DNAH8: variants seen among roughly 807,000 people sequenced by gnomAD.
The protein encoded by DNAH8 is dynein axonemal heavy chain 8.
DNAH8 carries 382 observed loss-of-function variants against 562.1 expected under a neutral mutation model. The observed-to-expected ratio is 0.68, with a 90% CI of 0.63 to 0.74. The LOEUF is 0.74. DNAH8 is among the 30% of genes least tolerant of loss of function. DNAH8 has a pLI of 0.00. For missense variants in DNAH8, 5,203 were observed against 5,620.4 expected (o/e 0.93, Z 2.37); for synonymous variants, 1,881 against 1,919.4 (o/e 0.98, Z 0.52).
intron 63 of DNAH8, among the ~76,000 whole-genome samples, chr6:38,907,180 ATGTT>A (rs1278618435): frequency 6.6e-6 from 1 of 152,226 alleles, no homozygotes. Context: ...GGAGTCATCG[ATGTT>A]CCAGGAACAT....
chr6:38,815,686 T>G lies in DNAH8; in HGVS notation c.3523+29T>G, dbSNP rs548212946. 6 of 1,570,422 alleles carry G rather than the reference T, an allele frequency of 3.8e-6. No homozygotes were observed. In the East Asian group the frequency reaches 9.3e-5, roughly 24 times the overall value. On this transcript the variant is annotated intron_variant, in intron 26 of 92. Coordinates refer to ENST00000327475, the MANE Select transcript of DNAH8 (RefSeq NM_001206927.2). ...AGAATGTAAAATTAGTCAATGATCT[T>G]ACTGATCCTTTTTGGATTTGATAGC...
intron 10 of DNAH8, among the ~76,000 whole-genome samples, chr6:38,759,787 C>T (rs1015383305): frequency 1.3e-5 from 2 of 152,126 alleles, no homozygotes; most frequent in Admixed American, 6.6e-5. Flanking sequence ...CCTGTTAGGT[C>T]AGTTTAACCA....
At chr6:38,836,069 G>A (rs1774257861) in intron 32 of DNAH8, among the ~76,000 whole-genome samples, 1 of 152,064 alleles carries the variant, frequency 6.6e-6, no homozygotes, top group Non-Finnish European at 1.5e-5. Context: ...CCTGAAACCT[G>A]GTTTGAGGGA....
At chr6:39,010,817 ACACGTATGTATGTATGTATGTATGTATG>A (rs1173324756) in intron 89 of DNAH8, among the ~76,000 whole-genome samples, 5 of 128,930 alleles carry the variant, frequency 3.9e-5, no homozygotes, top group African/African-American at 1.4e-4. Context: ...ACACACACAC[ACACGTATGTATGTATGTATGTATGTATG>A]TATGTATGTA....
At chr6:39,013,524 G>C (rs1052596845) in intron 91 of DNAH8, among the ~76,000 whole-genome samples, 2 of 152,130 alleles carry the variant, frequency 1.3e-5, no homozygotes, top group Admixed American at 6.5e-5. Flanking sequence ...TCAAAGTCAG[G>C]ATAATGACTG....
chr6:38,938,351 C>G (rs932164114), intron 78 of DNAH8, 125 bp downstream of exon 78: 1 of 1,126,484 alleles, frequency 8.9e-7, no homozygotes, highest in East Asian at 2.4e-5. Context: ...AAATGCCCAT[C>G]AACAGTAGAG....
rs747518898 is a variant in DNAH8, at chr6:38,723,391, A to G, written c.445A>G (p.Lys149Glu). 3.7e-6 allele frequency: 6 copies of G among 1,612,366 alleles called. No homozygotes were observed. The highest frequency in any genetic ancestry group is 2.7e-5 in the African/African-American group (2 of 74,934). Residue 149 changes from lysine to glutamate, a missense_variant, in exon 3 of 93, where the codon AAA becomes GAA. Physicochemically the swap from Lys to Glu is moderately conservative, Grantham distance 56. Transcript: ENST00000327475. ...AAGACTGAAAATTGACCCTTCATAC[A>G]AATATATATTTGAAATTCTAGCAGA... Reference protein sequence around the residue: ...SRRLKIDPSYKYIFEILAENL... With the variant: ...SRRLKIDPSYEYIFEILAENL...
intron 87 of DNAH8, among the ~76,000 whole-genome samples, chr6:38,984,940 C>A (rs758134656): frequency 1.6e-4 from 24 of 152,214 alleles, no homozygotes; most frequent in Non-Finnish European, 3.1e-4. Flanking sequence ...CCTCCTCCAT[C>A]TTCCGCATTC....
At chr6:38,800,285 C>T (rs1770671553) in intron 21 of DNAH8, among the ~76,000 whole-genome samples, 1 of 152,024 alleles carries the variant, frequency 6.6e-6, no homozygotes, top group Admixed American at 6.5e-5. Flanking sequence ...TTACTGGCTC[C>T]CAACTCCATG....
At chr6:38,888,432 A>G (rs1779109938) in intron 57 of DNAH8, among the ~76,000 whole-genome samples, 2 of 151,722 alleles carry the variant, frequency 1.3e-5, no homozygotes, top group African/African-American at 4.8e-5. Context: ...ATTAAAAAAT[A>G]ACATTAAGAG....
chr6:39,001,587 T>C (rs1765487873), intron 88 of DNAH8, among the ~76,000 whole-genome samples: 1 of 152,056 alleles, frequency 6.6e-6, no homozygotes, highest in African/African-American at 2.4e-5. Context: ...CATGGAATGC[T>C]TGATGAGCTT....
intron 77 of DNAH8, among the ~76,000 whole-genome samples, chr6:38,936,024 A>ATTTTTT (rs397958545): frequency 7.1e-6 from 1 of 140,102 alleles, no homozygotes; most frequent in Non-Finnish European, 1.6e-5. Context: ...TGCTCAATCT[A>ATTTTTT]TTTTTTTTTT....
intron 91 of DNAH8, among the ~76,000 whole-genome samples, chr6:39,012,958 A>C (rs1583567780): frequency 6.6e-6 from 1 of 152,188 alleles, no homozygotes; most frequent in Non-Finnish European, 1.5e-5. Flanking sequence ...TATAGTTTTT[A>C]AATGTTTGTG....
chr6:38,907,366 C>T (rs1485496473), intron 63 of DNAH8, among the ~76,000 whole-genome samples: 1 of 152,150 alleles, frequency 6.6e-6, no homozygotes, highest in African/African-American at 2.4e-5. Context: ...CTAGCTACAA[C>T]TACCAAAGTT....
intron 21 of DNAH8, among the ~76,000 whole-genome samples, chr6:38,794,311 AT>A (rs111784032): frequency 1.5e-3 from 216 of 141,308 alleles, no homozygotes; most frequent in Non-Finnish European, 1.7e-3. Context: ...CAAGGCCTTA[AT>A]TTTTTTTTTT....
chr6:38,921,897 T>C (rs1781733998), intron 71 of DNAH8, among the ~76,000 whole-genome samples: 1 of 151,760 alleles, frequency 6.6e-6, no homozygotes, highest in African/African-American at 2.4e-5. Flanking sequence ...TTATAGGATT[T>C]AGGTAGGTAA....
At chr6:38,816,846 G>A (rs191214302) in intron 26 of DNAH8, among the ~76,000 whole-genome samples, 4 of 152,268 alleles carry the variant, frequency 2.6e-5, no homozygotes, top group Middle Eastern at 3.4e-3. Context: ...CTGATGTTGA[G>A]CTTTTTTTTA....
At chr6:38,834,457 C>T (rs1774110568) in intron 31 of DNAH8, 122 bp from the exon 32 acceptor site, 1 of 629,034 alleles carries the variant, frequency 1.6e-6, no homozygotes, top group Non-Finnish European at 2.7e-6. Flanking sequence ...GTACAGGACA[C>T]AATTAAATAA....
chr6:39,005,932 G>A (rs1397493439), intron 88 of DNAH8, among the ~76,000 whole-genome samples: 1 of 152,256 alleles, frequency 6.6e-6, no homozygotes, highest in African/African-American at 2.4e-5. Context: ...AAGGGCGGGA[G>A]GGATTTGGCT....
Sources: gnomAD v4.1 joint callset for allele counts (sites outside exome capture counted in the v4.1 genomes callset) on GRCh38, gnomAD v4.1.1 for gene constraint, MANE v1.5 for transcripts, NCBI Gene and HGNC (gene_info 2026-07-23, HGNC 2026-07-21) for gene names.